Variants in MBNL3 observed in about 807,000 individuals in gnomAD.
MBNL3 encodes the protein muscleblind like splicing regulator 3, also known as muscleblind-like protein 3.
MBNL3 carries 6 observed loss-of-function variants against 24.5 expected under a neutral mutation model. The ratio of observed to expected loss-of-function variants is 0.25; its 90% CI spans 0.13 to 0.48. The LOEUF is 0.48. Ranked by LOEUF, MBNL3 falls within the 20% of genes least tolerant of loss-of-function variation. The pLI is 0.99. For missense variants in MBNL3, 230 were observed against 293.5 expected (o/e 0.78, Z 1.58); for synonymous variants, 100 against 101.7 (o/e 0.98, Z 0.10).
At chrX:132,483,299 C>T (rs1947837674) in intron 1 of MBNL3, among the ~76,000 whole-genome samples, 1 of 111,769 alleles carries the variant, frequency 8.9e-6, no homozygotes, top group Non-Finnish European at 1.9e-5. Flanking sequence ...AAATGTGATC[C>T]CCACCTCTGT....
chrX:132,391,683 G>A (rs1381614816), intron 4 of MBNL3, among the ~76,000 whole-genome samples: 2 of 112,154 alleles, frequency 1.8e-5, no homozygotes, highest in Admixed American at 9.5e-5. Context: ...GTTATTTACT[G>A]CCTAGCACAT....
chrX:132,453,256 G>A (rs1416989958), intron 1 of MBNL3, among the ~76,000 whole-genome samples: 2 of 111,689 alleles, frequency 1.8e-5, no homozygotes, highest in East Asian at 2.8e-4. Context: ...GAATCTTACA[G>A]GCCATAAATG....
intron 1 of MBNL3, among the ~76,000 whole-genome samples, chrX:132,441,772 G>A (rs1158088476): frequency 9.0e-6 from 1 of 111,658 alleles, no homozygotes; most frequent in Non-Finnish European, 1.9e-5. Context: ...CTGAAAACAA[G>A]TGATAAAGAA....
chrX:132,384,618 T>A (rs145902461), intron 7 of MBNL3, 45 bp downstream of exon 7: 1 of 1,123,517 alleles, frequency 8.9e-7, no homozygotes, highest in South Asian at 2.0e-5. Flanking sequence ...GAAAAACACA[T>A]TTTTTCAGAT....
chrX:132,462,696 A>ATG (rs752541854), intron 1 of MBNL3, among the ~76,000 whole-genome samples: 7,855 of 108,505 alleles, frequency 0.072, 678 homozygotes, highest in African/African-American at 0.24. Flanking sequence ...GTGTGCATGC[A>ATG]TGTGTGTGTG....
At chrX:132,411,941 C>T (rs1484179987) in intron 2 of MBNL3, among the ~76,000 whole-genome samples, 4 of 111,519 alleles carry the variant, frequency 3.6e-5, no homozygotes. Context: ...AACCTAAGTG[C>T]TTCTCTTGCT....
chrX:132,465,382 T>C (rs1047471548), intron 1 of MBNL3, among the ~76,000 whole-genome samples: 3 of 112,432 alleles, frequency 2.7e-5, no homozygotes, highest in African/African-American at 9.7e-5. Context: ...AAACAATACA[T>C]GTGGTTGTTG....
At chrX:132,438,136 TG>T (rs1387041263) in intron 2 of MBNL3, among the ~76,000 whole-genome samples, 4 of 112,075 alleles carry the variant, frequency 3.6e-5, no homozygotes. Context: ...TTCTGATAGC[TG>T]AATGTACACA....
At chrX:132,424,497 C>T (rs919413432) in intron 2 of MBNL3, among the ~76,000 whole-genome samples, 1 of 111,549 alleles carries the variant, frequency 9.0e-6, no homozygotes, top group Non-Finnish European at 1.9e-5. Context: ...TAATTAATCA[C>T]AGCTATTCAT....
rs1008248335 is a variant in MBNL3, at chrX:132,432,847, A to G, written c.177+6588T>C. 1.8e-5 allele frequency: 2 copies of G among 111,400 alleles called. 1 individual carries two copies. 9.2% of individuals were successfully genotyped at this position (111,400 alleles called of 1,213,427 possible). On this transcript the variant is annotated intron_variant, in intron 2 of 8. Coordinates refer to ENST00000370853, the MANE Select transcript of MBNL3 (RefSeq NM_001386889.1). ...AGCCCTTCTCATAAAAAACAGAAAAATGTAAAAAAAAAAAATCAAGCAAAT... is the reference window on the plus strand; with the variant it reads ...AGCCCTTCTCATAAAAAACAGAAAAGTGTAAAAAAAAAAAATCAAGCAAAT...
At chrX:132,383,791 T>C (rs1935473616) in intron 7 of MBNL3, among the ~76,000 whole-genome samples, 1 of 111,699 alleles carries the variant, frequency 9.0e-6, no homozygotes. Flanking sequence ...TCTATTCTGG[T>C]CCACCAAGGT....
intron 3 of MBNL3, among the ~76,000 whole-genome samples, chrX:132,394,060 G>C (rs1937587245): frequency 9.0e-6 from 1 of 111,309 alleles, no homozygotes; most frequent in African/African-American, 3.3e-5. Context: ...CATTAGGAAG[G>C]GCAGAAAGAA....
At chrX:132,442,645 A>G (rs976567146) in intron 1 of MBNL3, among the ~76,000 whole-genome samples, 3 of 113,053 alleles carry the variant, frequency 2.7e-5, no homozygotes, top group African/African-American at 9.6e-5. Context: ...TAGAAACATA[A>G]TAAATGATAC....
chrX:132,405,720 C>CA (rs1941677429), intron 3 of MBNL3, among the ~76,000 whole-genome samples: 1 of 108,528 alleles, frequency 9.2e-6, no homozygotes, highest in African/African-American at 3.4e-5. Flanking sequence ...TAAAAATACA[C>CA]AAAAAAATTA....
intron 1 of MBNL3, among the ~76,000 whole-genome samples, chrX:132,461,850 C>A (rs776185709): frequency 2.7e-5 from 3 of 111,624 alleles, no homozygotes; most frequent in Non-Finnish European, 3.8e-5. Flanking sequence ...TCAGAAAATG[C>A]AAGAAATAAA....
chrX:132,411,618 C>G (rs1942744029), intron 2 of MBNL3, among the ~76,000 whole-genome samples: 1 of 111,645 alleles, frequency 9.0e-6, no homozygotes, highest in African/African-American at 3.3e-5. Flanking sequence ...GTTCAAATCA[C>G]TTTTCCTCTG....
rs1340669702 is a variant in MBNL3 at position 132,396,511 on chromosome X, C to CCTATATATTCCT, written c.343-4178_343-4177insAGGAATATATAG. On this transcript the variant is annotated intron_variant, in intron 3 of 8. Transcript: ENST00000370853. ...TCCTATATATATTCCTATATATATT[C>CCTATATATTCCT]ATATATATTCATATATATATTCATA... Among the ~76,000 whole-genome samples the CCTATATATTCCT allele has an allele frequency of 1.5e-3, 74 of 50,055 alleles. 10 individuals are homozygous for CCTATATATTCCT. The highest frequency in any genetic ancestry group is 0.01 in the African/African-American group (52 of 5,054). 43.5% of individuals were successfully genotyped at this position (50,055 alleles called of 115,157 possible).
chrX:132,422,948 TG>T (rs1210341646), intron 2 of MBNL3, among the ~76,000 whole-genome samples: 1 of 111,808 alleles, frequency 8.9e-6, no homozygotes, highest in Non-Finnish European at 1.9e-5. Context: ...GCCACATTTT[TG>T]AGAACCCCTG....
chrX:132,429,712 A>G (rs900240309), intron 2 of MBNL3: 1 of 112,001 alleles, frequency 8.9e-6, no homozygotes, highest in Non-Finnish European at 1.9e-5. Flanking sequence ...GACAGTCCCA[A>G]TGTCATGTGG....
Sources: gnomAD v4.1 joint callset for allele counts (sites outside exome capture counted in the v4.1 genomes callset) on GRCh38, gnomAD v4.1.1 for gene constraint, MANE v1.5 for transcripts, NCBI Gene and HGNC (gene_info 2026-07-23, HGNC 2026-07-21) for gene names.